The following GRIP1 variants were observed in gnomAD, a reference collection of about 807,000 sequenced individuals.
GRIP1 encodes the protein glutamate receptor interacting protein 1, also known as glutamate receptor-interacting protein 1.
A neutral mutation model predicts 129.9 loss-of-function variants in GRIP1; 45 were observed. That is an observed-to-expected ratio of 0.35 (90% CI 0.27 to 0.44). The LOEUF (loss-of-function observed/expected upper bound fraction) is 0.44. Ranked by LOEUF, GRIP1 falls within the 20% of genes least tolerant of loss-of-function variation. GRIP1 has a pLI of 1.00. For synonymous variants in GRIP1, 530 were observed against 520.8 expected, an observed-to-expected ratio of 1.02 and a Z score of -0.24; for missense variants, 1,196 against 1,396.8, an observed-to-expected ratio of 0.86 and a Z score of 2.29.
intron 1 of GRIP1, among the ~76,000 whole-genome samples, chr12:67,026,902 G>T (rs1475915262): frequency 6.6e-6 from 1 of 152,076 alleles, no homozygotes; most frequent in African/African-American, 2.4e-5. Context: ...CCAAATCTTT[G>T]CTTGTTTGTG....
chr12:66,539,545 C>CTTTTTTTTTTTTTTTTTTTTTTTTT (rs35373698), intron 3 of GRIP1, among the ~76,000 whole-genome samples: 2 of 59,288 alleles, frequency 3.4e-5, no homozygotes, highest in Non-Finnish European at 6.0e-5. Context: ...TCAAGAGAAG[C>CTTTTTTTTTTTTTTTTTTTTTTTTT]TTTTTTTTTT....
chr12:66,732,572 A>G (rs961247300), intron 1 of GRIP1, among the ~76,000 whole-genome samples: 3 of 152,068 alleles, frequency 2.0e-5, no homozygotes, highest in Non-Finnish European at 2.9e-5. Context: ...AAAAAAAACA[A>G]AAGAATGAAG....
At chr12:66,463,777 T>C (rs1461814164) in intron 8 of GRIP1, among the ~76,000 whole-genome samples, 1 of 152,132 alleles carries the variant, frequency 6.6e-6, no homozygotes, top group African/African-American at 2.4e-5. Context: ...CTTGCTGAAC[T>C]CAAGAGCTGG....
chr12:66,711,938 T>C (rs912030787), intron 1 of GRIP1, among the ~76,000 whole-genome samples: 1 of 151,948 alleles, frequency 6.6e-6, no homozygotes, highest in Admixed American at 6.6e-5. Context: ...ATTTAGGACT[T>C]TCATCATTAA....
intron 16 of GRIP1, among the ~76,000 whole-genome samples, chr12:66,401,615 C>T (rs374053665): frequency 0.52 from 41,239 of 78,754 alleles, 8,324 homozygotes; most frequent in Middle Eastern, 0.61. Context: ...TATATACACA[C>T]ACACACACAC....
At chr12:67,029,061 G>A (rs1034549940) in intron 1 of GRIP1, among the ~76,000 whole-genome samples, 9 of 151,916 alleles carry the variant, frequency 5.9e-5, no homozygotes, top group African/African-American at 1.7e-4. Flanking sequence ...TTGAGGCCAG[G>A]GGTTCAAGAC....
chr12:66,658,601 A>G (rs1254609761), intron 1 of GRIP1, among the ~76,000 whole-genome samples: 2 of 151,848 alleles, frequency 1.3e-5, no homozygotes, highest in Non-Finnish European at 2.9e-5. Flanking sequence ...AAGAAAAAAA[A>G]ATCCTTCATC....
intron 1 of GRIP1, among the ~76,000 whole-genome samples, chr12:67,033,271 G>GTATATATA (rs3051221): frequency 0.17 from 24,110 of 142,526 alleles, 2,353 homozygotes; most frequent in Non-Finnish European, 0.23. Context: ...AAGACTACAT[G>GTATATATA]TATATATATA....
At chr12:66,412,101 C>T (rs1441268396) in intron 15 of GRIP1, among the ~76,000 whole-genome samples, 3 of 152,038 alleles carry the variant, frequency 2.0e-5, no homozygotes, top group African/African-American at 7.2e-5. Flanking sequence ...GCAAGACAGG[C>T]CAACATTCAA....
chr12:66,982,812 G>T (rs1188897166), intron 1 of GRIP1, among the ~76,000 whole-genome samples: 1 of 152,106 alleles, frequency 6.6e-6, no homozygotes, highest in Non-Finnish European at 1.5e-5. Context: ...TGACCTGCAG[G>T]AACTTTTAAA....
At chr12:66,445,189 A>G in intron 12 of GRIP1, 133 bp downstream of exon 12, 1 of 798,520 alleles carries the variant, frequency 1.3e-6, no homozygotes, top group Non-Finnish European at 2.1e-6. Context: ...ATAAAATTTT[A>G]TTGTCAGAAG....
intron 1 of GRIP1, among the ~76,000 whole-genome samples, chr12:66,718,825 C>G (rs1339023839): frequency 6.6e-6 from 1 of 151,866 alleles, no homozygotes; most frequent in African/African-American, 2.4e-5. Context: ...GCACTCCAGC[C>G]TGGGCAAAAA....
intron 1 of GRIP1, among the ~76,000 whole-genome samples, chr12:66,628,515 C>T (rs146651389): frequency 0.013 from 1,987 of 152,266 alleles, 48 homozygotes; most frequent in African/African-American, 0.046. Context: ...TCCTGTTAAC[C>T]CCTCATCAGA....
At chr12:66,603,156 T>C (rs2064356939) in intron 1 of GRIP1, among the ~76,000 whole-genome samples, 1 of 146,756 alleles carries the variant, frequency 6.8e-6, no homozygotes, top group African/African-American at 2.6e-5. Flanking sequence ...CCACCACATC[T>C]GGCTTTCTTT....
intron 1 of GRIP1, among the ~76,000 whole-genome samples, chr12:66,863,778 C>T (rs1011180569): frequency 3.9e-5 from 6 of 152,014 alleles, no homozygotes; most frequent in Admixed American, 2.6e-4. Context: ...CACTGCAGAT[C>T]GATAATTTTA....
chr12:66,696,618 T>TA (rs145408403), intron 1 of GRIP1, among the ~76,000 whole-genome samples: 2,403 of 150,672 alleles, frequency 0.016, 31 homozygotes, highest in Middle Eastern at 0.061. Context: ...CCGTCTCTAC[T>TA]AAAAAAAACA....
chr12:66,477,784 T>G (rs533538045), intron 7 of GRIP1, among the ~76,000 whole-genome samples: 3,715 of 148,620 alleles, frequency 0.025, 148 homozygotes, highest in African/African-American at 0.086. Context: ...GGGGAAAGGA[T>G]TCCCTATTTA....
At chr12:66,899,501 T>C (rs1317927852) in intron 1 of GRIP1, among the ~76,000 whole-genome samples, 2 of 152,020 alleles carry the variant, frequency 1.3e-5, no homozygotes, top group African/African-American at 4.8e-5. Context: ...TAGCTAGGAT[T>C]ACAAATTCAC....
chr12:66,389,925 G>A (rs1490785961), intron 19 of GRIP1, among the ~76,000 whole-genome samples: 1 of 152,222 alleles, frequency 6.6e-6, no homozygotes, highest in Non-Finnish European at 1.5e-5. Flanking sequence ...ATTTTGCTTG[G>A]AGAAGGAAAG....
Sources: allele counts gnomAD v4.1 joint callset (sites outside exome capture counted in the v4.1 genomes callset), GRCh38; gene constraint gnomAD v4.1.1; transcripts MANE v1.5; gene names NCBI Gene and HGNC (gene_info 2026-07-23, HGNC 2026-07-21).